Variants in BDNF observed in about 807,000 individuals in gnomAD.
The protein encoded by BDNF is neurotrophic factor BDNF precursor form.
BDNF carries 1 observed loss-of-function variant against 19.5 expected under a neutral mutation model. That is an observed-to-expected ratio of 0.05 (90% CI 0.02 to 0.24). BDNF has a LOEUF of 0.24. Ranked by LOEUF, BDNF falls within the 10% of genes least tolerant of loss-of-function variation. BDNF has a pLI of 1.00. For synonymous variants in BDNF, 100 were observed against 121.6 expected, an observed-to-expected ratio of 0.82 and a Z score of 1.17; for missense variants, 195 against 317.6, an observed-to-expected ratio of 0.61 and a Z score of 2.93.
chr11:27,701,353 T>G, upstream of BDNF: 1 of 1,084,228 alleles, frequency 9.2e-7, no homozygotes, highest in Non-Finnish European at 1.1e-6. Context: ...GGGAAAGACT[T>G]CGGCCCCAAA....
intron 1 of BDNF, among the ~76,000 whole-genome samples, chr11:27,715,352 C>T (rs1860471907): frequency 6.6e-6 from 1 of 152,128 alleles, no homozygotes; most frequent in Non-Finnish European, 1.5e-5. Flanking sequence ...CCTCTGAGAA[C>T]CTTCCCAGAA....
chr11:27,703,724 T>C (rs970043508), upstream of BDNF, among the ~76,000 whole-genome samples: 5 of 152,156 alleles, frequency 3.3e-5, no homozygotes, highest in African/African-American at 4.8e-5. Context: ...GAGTCAGAAA[T>C]GTCAGGGATA....
chr11:27,701,063 T>G (rs1485671795), upstream of BDNF: 1 of 1,347,394 alleles, frequency 7.4e-7, no homozygotes. Context: ...CTCTGCTGCC[T>G]TAAACACGCC....
intron 1 of BDNF, among the ~76,000 whole-genome samples, chr11:27,662,054 G>A (rs905793861): frequency 6.6e-6 from 1 of 152,084 alleles, no homozygotes; most frequent in African/African-American, 2.4e-5. Context: ...CCAGGCTGGA[G>A]TGCAATGGTG....
chr11:27,662,213 C>G (rs191182822), intron 1 of BDNF, among the ~76,000 whole-genome samples: 2 of 152,270 alleles, frequency 1.3e-5, no homozygotes, highest in African/African-American at 4.8e-5. Context: ...GTTGGCCGAG[C>G]TGGCCTACTC....
At chr11:27,716,550 A>G (rs1860523225) in intron 1 of BDNF, among the ~76,000 whole-genome samples, 1 of 152,056 alleles carries the variant, frequency 6.6e-6, no homozygotes, top group Non-Finnish European at 1.5e-5. Flanking sequence ...CTTCTGAGGT[A>G]GCAGTTGTAA....
At chr11:27,695,113 A>G (rs1002633231) in intron 1 of BDNF, among the ~76,000 whole-genome samples, 3 of 152,184 alleles carry the variant, frequency 2.0e-5, no homozygotes, top group African/African-American at 7.2e-5. Context: ...GGTAACAAGG[A>G]AATCCTAGTA....
chr11:27,692,232 C>T (rs1264320242), intron 1 of BDNF, among the ~76,000 whole-genome samples: 1 of 152,120 alleles, frequency 6.6e-6, no homozygotes, highest in Non-Finnish European at 1.5e-5. Flanking sequence ...ATGGCCAATG[C>T]ATTAGAAAAA....
In BDNF at chr11:27,676,211, GC is replaced by G; in HGVS notation, c.-21-17627del. ...CTAGATTTTGGCAGTCCATTCTTATGCCCAGGAATGACCTCTTGTGTAGACT... is the reference window on the plus strand; with the variant it reads ...CTAGATTTTGGCAGTCCATTCTTATGCCAGGAATGACCTCTTGTGTAGACT... On this transcript the variant is annotated intron_variant, in intron 1 of 1. Transcript: ENST00000356660. The G allele has an allele frequency of 2.0e-5, 3 of 152,292 alleles. No homozygotes were observed. In the South Asian group the frequency reaches 6.2e-4, roughly 32 times the overall value. 9.4% of individuals were successfully genotyped at this position (152,292 alleles called of 1,614,324 possible). A position where few individuals can be genotyped will look rare whatever the true frequency, so the allele number is the denominator to read the frequency against.
intron 1 of BDNF, among the ~76,000 whole-genome samples, chr11:27,716,592 T>C (rs1010457448): frequency 1.3e-5 from 2 of 152,252 alleles, no homozygotes; most frequent in African/African-American, 4.8e-5. Context: ...AAATTATCCA[T>C]AGAGTGAAAA....
Position 27,709,059 on chromosome 11 carries a change from C to A in BDNF, c.3+12353G>T, listed in dbSNP as rs555346427. Among the ~76,000 whole-genome samples the A allele has an allele frequency of 4.6e-5, 7 of 152,024 alleles. No homozygotes were observed. The East Asian group carries it at 1.4e-3, about 29-fold the overall frequency. ...GGCCAGGCTGGTCTCGAACTCCTGA[C>A]CTCAGGTGATCCACCCGCCTCAGCC... On this transcript the variant is annotated intron_variant, in intron 1 of 1. Coordinates refer to the BDNF transcript ENST00000314915.
intron 1 of BDNF, among the ~76,000 whole-genome samples, chr11:27,678,623 T>C (rs2133944659): frequency 6.6e-6 from 1 of 152,310 alleles, no homozygotes; most frequent in African/African-American, 2.4e-5. Context: ...CCCAAAAGGA[T>C]GGCTCTTAGT....
At chr11:27,693,126 A>G (rs1858523120) in intron 1 of BDNF, among the ~76,000 whole-genome samples, 1 of 152,212 alleles carries the variant, frequency 6.6e-6, no homozygotes, top group African/African-American at 2.4e-5. Context: ...TGATGTACCT[A>G]AAACAACTTA....
intron 1 of BDNF, chr11:27,699,688 C>G: frequency 7.1e-7 from 1 of 1,404,910 alleles, no homozygotes; most frequent in Non-Finnish European, 9.2e-7. Flanking sequence ...GGAAGGGATG[C>G]GGGCTGAAGG....
chr11:27,678,448 T>C (rs1304192270), intron 1 of BDNF, among the ~76,000 whole-genome samples: 1 of 152,232 alleles, frequency 6.6e-6, no homozygotes, highest in African/African-American at 2.4e-5. Context: ...GCGGGCTGAC[T>C]TGCAGTGGAA....
At chr11:27,674,703 A>G (rs1461970905) in intron 1 of BDNF, 1 of 985,278 alleles carries the variant, frequency 1.0e-6, no homozygotes, top group African/African-American at 1.7e-5. Flanking sequence ...CTGTGAAAAC[A>G]TCTGTTTATC....
intron 1 of BDNF, among the ~76,000 whole-genome samples, chr11:27,687,753 G>T (rs558163227): frequency 1.3e-5 from 2 of 152,286 alleles, no homozygotes; most frequent in South Asian, 4.1e-4. Context: ...GAACAGCAAA[G>T]ACTGCTGCCT....
chr11:27,706,486 T>C (rs951691856), intron 1 of BDNF, among the ~76,000 whole-genome samples: 1 of 152,200 alleles, frequency 6.6e-6, no homozygotes, highest in African/African-American at 2.4e-5. Flanking sequence ...TCATTCAACC[T>C]TAGTGAAGAT....
chr11:27,664,087 G>A lies in BDNF; in HGVS notation c.-21-5502C>T, dbSNP rs377487113. Among the ~76,000 whole-genome samples, 111 of 152,000 alleles carry A rather than the reference G, an allele frequency of 7.3e-4. 5 individuals are homozygous for A. The South Asian group carries it at 0.022, about 30-fold the overall frequency. ...GCCCCTTTGGGTTTTACCTGTGAGC[G>A]TGTAATCAGAGAAAACACAGTTTAA... On this transcript the variant is annotated intron_variant, in intron 1 of 1. Coordinates refer to ENST00000356660, the MANE Select transcript of BDNF (RefSeq NM_001709.5).
Sources: allele counts gnomAD v4.1 joint callset (sites outside exome capture counted in the v4.1 genomes callset), GRCh38; gene constraint gnomAD v4.1.1; transcripts MANE v1.5; gene names NCBI Gene and HGNC (gene_info 2026-07-23, HGNC 2026-07-21).